PCCA: variants seen among roughly 807,000 people sequenced by gnomAD.
The protein encoded by PCCA is propionyl-CoA carboxylase alpha chain, mitochondrial.
A neutral mutation model predicts 101.3 loss-of-function variants in PCCA; 74 were observed. That is an observed-to-expected ratio of 0.73 (90% CI 0.61 to 0.89). The LOEUF is 0.89. Among genes scored for constraint, PCCA ranks in the 40% least tolerant of loss-of-function variants. The pLI, the probability that PCCA is intolerant of heterozygous loss-of-function variation, is 0.00. For missense variants in PCCA, 891 were observed against 907.0 expected, an observed-to-expected ratio of 0.98 and a Z score of 0.23; for synonymous variants, 294 against 313.6, an observed-to-expected ratio of 0.94 and a Z score of 0.66.
At chr13:100,450,110 T>A (rs2081112316) in intron 21 of PCCA, among the ~76,000 whole-genome samples, 1 of 152,200 alleles carries the variant, frequency 6.6e-6, no homozygotes, top group Non-Finnish European at 1.5e-5. Context: ...TTTGGCTTGG[T>A]GCGGCAGCTC....
intron 21 of PCCA, among the ~76,000 whole-genome samples, chr13:100,465,382 G>A (rs1324442773): frequency 6.6e-6 from 1 of 152,182 alleles, no homozygotes; most frequent in African/African-American, 2.4e-5. Flanking sequence ...TTGATTATTT[G>A]TGCTAATTAA....
intron 18 of PCCA, among the ~76,000 whole-genome samples, chr13:100,365,807 C>A (rs932456678): frequency 6.6e-6 from 1 of 152,112 alleles, no homozygotes; most frequent in Non-Finnish European, 1.5e-5. Flanking sequence ...CCTATCAATG[C>A]AGATATTGTT....
At chr13:100,501,562 C>T (rs1024430889) in intron 21 of PCCA, among the ~76,000 whole-genome samples, 17 of 152,144 alleles carry the variant, frequency 1.1e-4, no homozygotes, top group Admixed American at 1.0e-3. Flanking sequence ...TTCAGCGTCT[C>T]CTGGGAACTC....
chr13:100,406,426 C>T (rs116337045), intron 19 of PCCA, among the ~76,000 whole-genome samples: 4,754 of 152,176 alleles, frequency 0.031, 250 homozygotes, highest in African/African-American at 0.11. Flanking sequence ...CAAAATTGGC[C>T]GGGTGCGGCC....
chr13:100,215,320 T>C (rs2059449442), intron 7 of PCCA, among the ~76,000 whole-genome samples: 1 of 152,244 alleles, frequency 6.6e-6, no homozygotes, highest in African/African-American at 2.4e-5. Flanking sequence ...TTTGAAGTGC[T>C]GTTGATATAG....
intron 4 of PCCA, among the ~76,000 whole-genome samples, chr13:100,121,182 A>G (rs1367621025): frequency 1.9e-5 from 2 of 107,316 alleles, no homozygotes; most frequent in Admixed American, 2.3e-4. Context: ...TTTTTTAAAG[A>G]TGGAGTTTCT....
At chr13:100,402,605 C>G (rs1053066097) in intron 19 of PCCA, among the ~76,000 whole-genome samples, 13 of 152,148 alleles carry the variant, frequency 8.5e-5, no homozygotes, top group African/African-American at 3.1e-4. Flanking sequence ...GAGATTAATA[C>G]AGTAATGATT....
At chr13:100,442,960 A>T (rs1451485041) in intron 20 of PCCA, among the ~76,000 whole-genome samples, 6 of 152,144 alleles carry the variant, frequency 3.9e-5, no homozygotes, top group Non-Finnish European at 8.8e-5. Flanking sequence ...AGGAAGACAG[A>T]ACCAGATCAT....
intron 18 of PCCA, among the ~76,000 whole-genome samples, chr13:100,352,606 C>G (rs1337910366): frequency 3.3e-5 from 5 of 151,738 alleles, no homozygotes; most frequent in Non-Finnish European, 7.4e-5. Flanking sequence ...GTTACCCAGG[C>G]AAGTCTCGAA....
intron 17 of PCCA, among the ~76,000 whole-genome samples, chr13:100,335,433 A>G (rs2070293035): frequency 2.0e-5 from 3 of 152,216 alleles, no homozygotes; most frequent in Admixed American, 1.3e-4. Context: ...CTAAGCTGAC[A>G]ATGAGAGAAA....
chr13:100,167,824 A>C (rs964844638), intron 6 of PCCA, among the ~76,000 whole-genome samples: 3 of 152,110 alleles, frequency 2.0e-5, no homozygotes, highest in African/African-American at 7.2e-5. Flanking sequence ...TGGGACATAC[A>C]TGTGCGATCT....
intron 4 of PCCA, among the ~76,000 whole-genome samples, chr13:100,137,504 A>G (rs1236520161): frequency 6.6e-6 from 1 of 152,086 alleles, no homozygotes; most frequent in Non-Finnish European, 1.5e-5. Flanking sequence ...TTTTTGCTTT[A>G]TGAAGCACTG....
intron 21 of PCCA, among the ~76,000 whole-genome samples, chr13:100,454,833 T>TA (rs575915905): frequency 5.9e-5 from 9 of 152,136 alleles, no homozygotes; most frequent in South Asian, 2.1e-4. Context: ...TCTGAACTTT[T>TA]AAAAAAAGCT....
chr13:100,439,947 A>G (rs2783224), intron 20 of PCCA, among the ~76,000 whole-genome samples: 118,504 of 151,618 alleles, frequency 0.78, 47,028 homozygotes, highest in African/African-American at 0.93. Context: ...ATATTTTCAA[A>G]AGAAGATAAA....
chr13:100,517,793 A>G (rs2086944106), intron 22 of PCCA, among the ~76,000 whole-genome samples: 1 of 152,162 alleles, frequency 6.6e-6, no homozygotes, highest in African/African-American at 2.4e-5. Flanking sequence ...TGCTTGTGAA[A>G]AATGTCCCAA....
chr13:100,134,312 C>A (rs2050879441), intron 4 of PCCA, among the ~76,000 whole-genome samples: 1 of 152,122 alleles, frequency 6.6e-6, no homozygotes. Context: ...AAATTGGATT[C>A]CTCTACCTTT....
chr13:100,204,756 G>C (rs1379213282), intron 6 of PCCA, among the ~76,000 whole-genome samples: 1 of 152,068 alleles, frequency 6.6e-6, no homozygotes, highest in Non-Finnish European at 1.5e-5. Context: ...GAAATGAGTA[G>C]AATTTTGGAG....
At chr13:100,266,515 A>T (rs1454170119) in intron 10 of PCCA, among the ~76,000 whole-genome samples, 1 of 152,166 alleles carries the variant, frequency 6.6e-6, no homozygotes, top group East Asian at 1.9e-4. Flanking sequence ...TATGCACATG[A>T]TAAAGGGTAA....
intron 18 of PCCA, among the ~76,000 whole-genome samples, chr13:100,359,136 TA>T (rs764279877): frequency 2.4e-4 from 35 of 148,870 alleles, no homozygotes; most frequent in African/African-American, 6.9e-4. Context: ...AAAAGCTGTT[TA>T]AAAAAAAATG....
Sources: allele counts gnomAD v4.1 joint callset (sites outside exome capture counted in the v4.1 genomes callset), GRCh38; gene constraint gnomAD v4.1.1; transcripts MANE v1.5; gene names NCBI Gene and HGNC (gene_info 2026-07-23, HGNC 2026-07-21).